SCN2A: variants seen among roughly 807,000 people sequenced by gnomAD.
SCN2A encodes sodium voltage-gated channel alpha subunit 2, also known as sodium channel protein type 2 subunit alpha.
In SCN2A, 20 loss-of-function variants were observed where a neutral mutation model predicts 188.7. That is an observed-to-expected ratio of 0.11 (90% confidence interval 0.07 to 0.15). The LOEUF is 0.15. SCN2A is among the 10% of genes least tolerant of loss of function. The probability of loss-of-function intolerance (pLI) is 1.00; values close to 1 mark genes in which losing one functional copy is unlikely to be tolerated. For missense variants in SCN2A, 1,278 were observed against 2,445.0 expected (o/e 0.52, Z 10.07); for synonymous variants, 804 against 833.1 (o/e 0.97, Z 0.60).
intron 1 of SCN2A, chr2:165,269,522 C>T (rs1695013441): frequency 6.6e-6 from 1 of 151,916 alleles, no homozygotes; most frequent in African/African-American, 2.4e-5. Context: ...AATAATTGTT[C>T]CTATCCTACA....
chr2:165,363,554 AAG>A (rs1559389994), intron 17 of SCN2A, among the ~76,000 whole-genome samples: 2 of 152,270 alleles, frequency 1.3e-5, no homozygotes, highest in Admixed American at 1.3e-4. Context: ...GAAGATTTTT[AAG>A]TCATTTTTTA....
chr2:165,293,109 C>T (rs1351192376), intron 1 of SCN2A, among the ~76,000 whole-genome samples: 3 of 152,142 alleles, frequency 2.0e-5, no homozygotes, highest in Non-Finnish European at 4.4e-5. Flanking sequence ...ATTGAATTAG[C>T]AAAGAACTAC....
intron 14 of SCN2A, among the ~76,000 whole-genome samples, chr2:165,341,318 C>A (rs1381225679): frequency 3.9e-5 from 6 of 152,046 alleles, no homozygotes; most frequent in Non-Finnish European, 8.8e-5. Context: ...TAGTCTCGAT[C>A]TCCTGACCTC....
At chr2:165,344,016 A>G (rs978528375) in intron 15 of SCN2A, among the ~76,000 whole-genome samples, 17 of 152,152 alleles carry the variant, frequency 1.1e-4, no homozygotes, top group African/African-American at 3.6e-4. Context: ...ACTGAAAACT[A>G]TATCTGCTTT....
chr2:165,285,907 G>C (rs1695805499), intron 1 of SCN2A: 3 of 224,166 alleles, frequency 1.3e-5, no homozygotes, highest in South Asian at 1.6e-4. Flanking sequence ...GAAAGCTAAG[G>C]AACAATGAAT....
chr2:165,295,097 G>A (rs897816671), intron 1 of SCN2A, among the ~76,000 whole-genome samples: 1 of 152,124 alleles, frequency 6.6e-6, no homozygotes, highest in Non-Finnish European at 1.5e-5. Context: ...ATGACTTCCT[G>A]CCCGGTTTGG....
chr2:165,269,453 C>T (rs918689972), intron 1 of SCN2A: 1 of 152,038 alleles, frequency 6.6e-6, no homozygotes, highest in Non-Finnish European at 1.5e-5. Flanking sequence ...TCCCTACTCA[C>T]TAATGTGTTC....
At chr2:165,295,604 G>A (rs1696464232) in intron 1 of SCN2A, among the ~76,000 whole-genome samples, 169 bp from the exon 2 acceptor site, 1 of 152,162 alleles carries the variant, frequency 6.6e-6, no homozygotes, top group Non-Finnish European at 1.5e-5. Context: ...CTCCATGTGA[G>A]CAAATGGATG....
chr2:165,268,208 A>G (rs1343587677), intron 1 of SCN2A: 1 of 151,984 alleles, frequency 6.6e-6, no homozygotes. Context: ...TCACCCAAAT[A>G]CCAAAATCAG....
At position 165,328,575 on chromosome 2, in the gene SCN2A, A is replaced by C. The variant is rs748132259; in HGVS notation, c.2149+1591A>C. 8.8e-5 allele frequency: 78 copies of C among 890,644 alleles called. 1 individual carries two copies. The highest frequency in any genetic ancestry group is 9.3e-5 in the Non-Finnish European group (69 of 743,198). The allele number at this position is 890,644 out of a possible 1,614,324, so 55.2% of individuals were successfully genotyped here. On this transcript the variant is annotated intron_variant, in intron 13 of 26. Transcript: ENST00000375437. ...TCAACAGTCATGCTTTGCACTTCTG[A>C]TAGCATTAAGTTTGAGCTAAATAAG... is the stretch of plus-strand genomic sequence containing the variant.
intron 22 of SCN2A, 60 bp from the exon 23 acceptor site, chr2:165,377,537 A>G: frequency 7.2e-7 from 1 of 1,380,700 alleles, no homozygotes; most frequent in East Asian, 2.4e-5. Flanking sequence ...TCAATTATTC[A>G]ATTTATTTTC....
intron 1 of SCN2A, among the ~76,000 whole-genome samples, chr2:165,265,047 A>G (rs1160531377): frequency 2.0e-5 from 3 of 152,056 alleles, no homozygotes; most frequent in African/African-American, 2.4e-5. Flanking sequence ...AATCACCACA[A>G]TGTCTTCCAC....
chr2:165,316,236 A>G (rs576888060), intron 11 of SCN2A, among the ~76,000 whole-genome samples: 1 of 152,280 alleles, frequency 6.6e-6, no homozygotes, highest in African/African-American at 2.4e-5. Flanking sequence ...CTGAAACAAA[A>G]TATCTCTAAA....
chr2:165,309,058 T>C, intron 5 of SCN2A: 3 of 1,276,718 alleles, frequency 2.3e-6, no homozygotes, highest in East Asian at 2.4e-5. Context: ...TTCCTCTTAA[T>C]TGGGAAAGCT....
rs1702142210 is a variant in SCN2A, at chr2:165,392,106, A to G, written c.*2282A>G. 6.6e-6 allele frequency: 1 copy of G among 152,666 alleles called. No individual in the cohort carries two copies. Among genetic ancestry groups the G allele is most frequent in the South Asian group, 2.1e-4 (1 of 4,832 alleles). The allele number at this position is 152,666 out of a possible 1,614,324, so 9.5% of individuals were successfully genotyped here. ...TGCCATTTAAAGGTAGATTTCTATC[A>G]TGTAAAAATAATCTATCTGAAAAAC... On this transcript the variant is annotated 3_prime_UTR_variant, in exon 27 of 27. Transcript: ENST00000375437.
At chr2:165,337,183 AATT>A (rs2047943582) in intron 14 of SCN2A, among the ~76,000 whole-genome samples, 1 of 152,082 alleles carries the variant, frequency 6.6e-6, no homozygotes, top group Non-Finnish European at 1.5e-5. Flanking sequence ...TAATATGAAA[AATT>A]CACTGGATGT....
intron 1 of SCN2A, among the ~76,000 whole-genome samples, chr2:165,263,806 A>C (rs570544333): frequency 7.1e-4 from 108 of 151,646 alleles, no homozygotes; most frequent in African/African-American, 2.2e-3. Context: ...TGTGTTGTCT[A>C]TGATTTCTTT....
intron 1 of SCN2A, among the ~76,000 whole-genome samples, chr2:165,256,173 T>G (rs892983128): frequency 6.6e-6 from 1 of 151,852 alleles, no homozygotes; most frequent in African/African-American, 2.4e-5. Flanking sequence ...GGCCGACTAA[T>G]TATGTATTTT....
intron 20 of SCN2A, 110 bp from the exon 21 acceptor site, chr2:165,373,115 T>C: frequency 8.1e-7 from 1 of 1,229,656 alleles, no homozygotes; most frequent in Non-Finnish European, 1.2e-6. Flanking sequence ...CTGGGTGATT[T>C]TGAAACTCAT....
Sources: allele counts gnomAD v4.1 joint callset (sites outside exome capture counted in the v4.1 genomes callset), GRCh38; gene constraint gnomAD v4.1.1; transcripts MANE v1.5; gene names NCBI Gene and HGNC (gene_info 2026-07-23, HGNC 2026-07-21).